ETV7: variants seen among roughly 807,000 people sequenced by gnomAD.
The protein encoded by ETV7 is transcription factor ETV7.
In ETV7, 43 loss-of-function variants were observed where a neutral mutation model predicts 39.1. The observed-to-expected ratio is 1.10, with a 90% CI of 0.86 to 1.42. ETV7 has a LOEUF of 1.42. ETV7 is among the 40% of genes most tolerant of loss of function. The pLI is 0.00. For synonymous variants in ETV7, 196 were observed against 176.6 expected, an observed-to-expected ratio of 1.11 and a Z score of -0.87; for missense variants, 432 against 442.3, an observed-to-expected ratio of 0.98 and a Z score of 0.21.
chr6:36,371,497 C>T lies in ETV7; in HGVS notation c.497G>A (p.Gly166Glu), dbSNP rs1265011737. Residue 166 changes from glycine to glutamate, a missense_variant, in exon 5 of 8, where the codon GGG becomes GAG. Gly to Glu is a moderately conservative substitution (Grantham distance 98, BLOSUM62 -2). Transcript: ENST00000340181. ...RGHLLQPPDP[G>E]LTSNFGHLDD... ...CAGGTGGCCGAAGTTGCTGGTAAGC[C>T]CTGGGTCTGGTGGCTGCAGCAGGTG... The T allele has an allele frequency of 1.2e-6, 2 of 1,606,422 alleles. No individual in the cohort carries two copies. The highest frequency in any genetic ancestry group is 1.7e-6 in the Non-Finnish European group (2 of 1,176,732).
In ETV7 at chr6:36,385,562, C is replaced by G. The variant is rs767346568; in HGVS notation, c.114G>C (p.Gly38=). 1 of 1,614,234 alleles carries G rather than the reference C, an allele frequency of 6.2e-7. No homozygotes were observed. Among genetic ancestry groups the G allele is most frequent in the Non-Finnish European group, 8.5e-7 (1 of 1,180,038 alleles). ...CEAQINLLGE[G]GICKLPGRLR... is the part of the protein sequence containing the mutation. ...GTCTTCCTGGCAGCTTGCAGATCCC[C>G]CCTTCACCCAGCAGGTTAATTTGAG... Residue 38 remains glycine (G), a synonymous_variant, in exon 2 of 8, where the codon GGG becomes GGC. Transcript: ENST00000340181.
chr6:36,381,230 A>T (rs904223611), intron 2 of ETV7, among the ~76,000 whole-genome samples: 2 of 152,158 alleles, frequency 1.3e-5, no homozygotes, highest in Non-Finnish European at 2.9e-5. Flanking sequence ...AGCTATCATC[A>T]TCTGAGGCTA....
chr6:36,354,728 T>A, intron 7 of ETV7: 1 of 692,996 alleles, frequency 1.4e-6, no homozygotes, highest in South Asian at 1.5e-5. Context: ...TTGATAGGGA[T>A]TGCATTGAAT....
intron 2 of ETV7, 139 bp from the exon 3 acceptor site, chr6:36,376,174 T>C (rs1365633299): frequency 2.9e-6 from 2 of 691,964 alleles, no homozygotes; most frequent in Non-Finnish European, 4.7e-6. Flanking sequence ...CACCTGTTTC[T>C]TTCCTTCCTA....
chr6:36,384,656 G>A (rs551936989), intron 2 of ETV7, among the ~76,000 whole-genome samples: 1 of 152,140 alleles, frequency 6.6e-6, no homozygotes, highest in African/African-American at 2.4e-5. Flanking sequence ...TTGGGAGGCC[G>A]AGGCGGGTGG....
chr6:36,364,079 C>T (rs1053847458), downstream of ETV7, among the ~76,000 whole-genome samples: 4 of 152,234 alleles, frequency 2.6e-5, no homozygotes, highest in African/African-American at 9.6e-5. Flanking sequence ...GAGCTAGATA[C>T]AGAGTGCCGA....
chr6:36,356,448 G>GAAAA, intron 7 of ETV7, among the ~76,000 whole-genome samples: 1 of 152,064 alleles, frequency 6.6e-6, no homozygotes, highest in East Asian at 1.9e-4. Context: ...TGACAGCTCC[G>GAAAA]AGAGCCCCAA....
chr6:36,357,172 G>C (rs1157672505), intron 7 of ETV7, among the ~76,000 whole-genome samples: 2 of 152,188 alleles, frequency 1.3e-5, no homozygotes, highest in African/African-American at 4.8e-5. Context: ...CTGAATGTCA[G>C]TTGAACAGAT....
intron 5 of ETV7, among the ~76,000 whole-genome samples, chr6:36,369,505 A>G (rs184851107): frequency 1.8e-3 from 267 of 152,286 alleles, no homozygotes; most frequent in Admixed American, 5.0e-3. Flanking sequence ...TCTATTAATT[A>G]TAACATCCAC....
At chr6:36,372,382 A>G (rs1335903023) in intron 4 of ETV7, among the ~76,000 whole-genome samples, 1 of 152,004 alleles carries the variant, frequency 6.6e-6, no homozygotes, top group Non-Finnish European at 1.5e-5. Context: ...CTGCACTTGG[A>G]CTCCGAGTGA....
chr6:36,377,482 T>A (rs903445084), intron 2 of ETV7, among the ~76,000 whole-genome samples: 17 of 151,862 alleles, frequency 1.1e-4, no homozygotes, highest in African/African-American at 4.1e-4. Context: ...TAAATTTAAA[T>A]CCTATTTTAT....
chr6:36,357,604 C>T (rs1329206444), intron 7 of ETV7, among the ~76,000 whole-genome samples: 2 of 152,290 alleles, frequency 1.3e-5, no homozygotes, highest in African/African-American at 2.4e-5. Flanking sequence ...CGGCCACGTG[C>T]GCTGGCTCAT....
chr6:36,382,512 G>A (rs1321327051), intron 2 of ETV7, among the ~76,000 whole-genome samples: 1 of 152,160 alleles, frequency 6.6e-6, no homozygotes, highest in Non-Finnish European at 1.5e-5. Context: ...AGATTCATGT[G>A]CACATTAAAA....
chr6:36,369,981 G>A (rs143845747), intron 5 of ETV7, among the ~76,000 whole-genome samples: 52 of 152,032 alleles, frequency 3.4e-4, no homozygotes, highest in Middle Eastern at 6.8e-3. Flanking sequence ...TGTTTCTGGC[G>A]TCCATGTGAG....
intron 2 of ETV7, among the ~76,000 whole-genome samples, chr6:36,384,062 C>T (rs558516187): frequency 6.6e-6 from 1 of 152,190 alleles, no homozygotes; most frequent in Non-Finnish European, 1.5e-5. Context: ...ATCCCCTTAC[C>T]CACTGGTTGG....
At chr6:36,375,735 A>G in intron 3 of ETV7, 136 bp downstream of exon 3, 3 of 1,361,596 alleles carry the variant, frequency 2.2e-6, no homozygotes, top group Non-Finnish European at 3.1e-6. Context: ...GCAGAGGGGC[A>G]TCTGCAGTGC....
downstream of ETV7, among the ~76,000 whole-genome samples, chr6:36,363,329 GGTGA>G (rs1421685385): frequency 1.4e-4 from 21 of 151,440 alleles, no homozygotes; most frequent in African/African-American, 4.9e-4. Flanking sequence ...AGACCTTCGC[GGTGA>G]GTGTTACAGC....
chr6:36,368,358 C>G (rs1005085016), intron 6 of ETV7, among the ~76,000 whole-genome samples: 2 of 152,074 alleles, frequency 1.3e-5, no homozygotes, highest in African/African-American at 4.8e-5. Context: ...TTAAAGAAAC[C>G]TATTTATTTT....
chr6:36,365,503 G>A (rs964747622), downstream of ETV7, among the ~76,000 whole-genome samples: 2 of 152,186 alleles, frequency 1.3e-5, no homozygotes, highest in African/African-American at 4.8e-5. Context: ...CAGAGAGGCG[G>A]AACACCTTGC....
Sources: allele counts gnomAD v4.1 joint callset (sites outside exome capture counted in the v4.1 genomes callset), GRCh38; gene constraint gnomAD v4.1.1; transcripts MANE v1.5; gene names NCBI Gene and HGNC (gene_info 2026-07-23, HGNC 2026-07-21).